Variants in SLC5A10 observed in about 807,000 individuals in gnomAD.
The protein encoded by SLC5A10 is sodium/mannose cotransporter SLC5A10.
Under a neutral mutation model 68.9 loss-of-function variants are expected in SLC5A10, and 55 were observed. That is an observed-to-expected ratio of 0.80 (90% confidence interval 0.64 to 1.00). SLC5A10 has a LOEUF of 1.00. SLC5A10 is among the 50% of genes least tolerant of loss of function. SLC5A10 has a pLI of 0.00. For synonymous variants in SLC5A10, 344 were observed against 344.8 expected (o/e 1.00, Z 0.02); for missense variants, 732 against 819.3 (o/e 0.89, Z 1.30).
At chr17:19,019,109 C>T (rs2044201182) in intron 11 of SLC5A10, 2 of 350,306 alleles carry the variant, frequency 5.7e-6, no homozygotes, top group South Asian at 6.1e-5. Flanking sequence ...GGGACAGGTG[C>T]TTTGAAGGAG....
chr17:18,950,855 A>C (rs2042358510), upstream of SLC5A10: 1 of 192,154 alleles, frequency 5.2e-6, no homozygotes, highest in Admixed American at 6.5e-5. Context: ...AGCTGGGATT[A>C]CAGGTGCGTA....
chr17:18,982,195 G>A (rs1368205036), intron 9 of SLC5A10, among the ~76,000 whole-genome samples: 1 of 152,244 alleles, frequency 6.6e-6, no homozygotes, highest in African/African-American at 2.4e-5. Flanking sequence ...CCCTTGCTGG[G>A]CCTTAGTCTC....
At chr17:18,999,078 G>A (rs1196318019) in intron 9 of SLC5A10, among the ~76,000 whole-genome samples, 2 of 152,152 alleles carry the variant, frequency 1.3e-5, no homozygotes, top group Non-Finnish European at 2.9e-5. Flanking sequence ...AGGAGTTCGA[G>A]ACCCACCTGA....
intron 1 of SLC5A10, among the ~76,000 whole-genome samples, chr17:18,954,302 C>T (rs1034388676): frequency 1.3e-5 from 2 of 152,200 alleles, no homozygotes; most frequent in South Asian, 2.1e-4. Context: ...CTGGCTAGCA[C>T]GTCTAAGAAA....
intron 11 of SLC5A10, 28 bp downstream of exon 11, chr17:19,015,227 T>C: frequency 8.3e-6 from 1 of 121,050 alleles, no homozygotes; most frequent in Admixed American, 9.2e-5. Flanking sequence ...AGTACGGGGG[T>C]GGGGGAACAC....
intron 1 of SLC5A10, among the ~76,000 whole-genome samples, chr17:18,952,681 C>A (rs560415144): frequency 6.6e-6 from 1 of 152,094 alleles, no homozygotes; most frequent in Non-Finnish European, 1.5e-5. Flanking sequence ...CCCCGGGATT[C>A]CCTGGCTGCA....
chr17:18,963,476 A>G (rs1009696659), intron 5 of SLC5A10, among the ~76,000 whole-genome samples: 6 of 152,244 alleles, frequency 3.9e-5, no homozygotes, highest in African/African-American at 1.4e-4. Context: ...TTCAGAACCA[A>G]CGCTGGGGCT....
chr17:18,958,549 C>A, intron 1 of SLC5A10, 133 bp from the exon 2 acceptor site: 1 of 664,406 alleles, frequency 1.5e-6, no homozygotes, highest in East Asian at 2.7e-5. Context: ...GGACATATAC[C>A]TAGGAGTGGA....
intron 9 of SLC5A10, among the ~76,000 whole-genome samples, chr17:18,993,834 G>C (rs2043494184): frequency 6.6e-6 from 1 of 152,216 alleles, no homozygotes; most frequent in African/African-American, 2.4e-5. Context: ...CCTTGGGCAA[G>C]TACCTTCATT....
chr17:18,967,917 T>TAC (rs556808721), intron 5 of SLC5A10, among the ~76,000 whole-genome samples: 1,714 of 140,302 alleles, frequency 0.012, 24 homozygotes, highest in African/African-American at 0.034. Context: ...GCCCTTCCTA[T>TAC]ACACACACAC....
chr17:18,995,484 T>C (rs1292274700), intron 9 of SLC5A10, among the ~76,000 whole-genome samples: 1 of 152,140 alleles, frequency 6.6e-6, no homozygotes, highest in Non-Finnish European at 1.5e-5. Context: ...AAACTGTGGG[T>C]CAACTTCAAG....
At chr17:18,997,777 A>C (rs1200794745) in intron 9 of SLC5A10, among the ~76,000 whole-genome samples, 2 of 152,212 alleles carry the variant, frequency 1.3e-5, no homozygotes, top group Non-Finnish European at 2.9e-5. Context: ...CACAGAGAGA[A>C]GCTCTCAGGA....
intron 9 of SLC5A10, among the ~76,000 whole-genome samples, chr17:18,989,625 C>T (rs1407801574): frequency 6.6e-6 from 1 of 152,236 alleles, no homozygotes; most frequent in East Asian, 1.9e-4. Context: ...ACCTGAATAC[C>T]GCAGCACCTG....
At position 18,976,888 on chromosome 17, in the gene SLC5A10, T is replaced by A. The variant is rs531697809; in HGVS notation, c.881T>A (p.Leu294Gln). The change falls in exon 9 of 15, where the codon CTG (leucine) becomes CAG (glutamine). Residue 294 changes from leucine (L) to glutamine (Q), a missense_variant. Transcript: ENST00000395645. ...CAGCGATCACTGTCAGCCCGGGACCTGAACCATGCCAAGGCGGGCTCCATC... is the reference window on the plus strand; with the variant it reads ...CAGCGATCACTGTCAGCCCGGGACCAGAACCATGCCAAGGCGGGCTCCATC... ...IVQRSLSARD[L>Q]NHAKAGSILA... 1 of 1,613,646 alleles carries A rather than the reference T, an allele frequency of 6.2e-7. No homozygotes were observed. Among genetic ancestry groups the A allele is most frequent in the Non-Finnish European group, 8.5e-7 (1 of 1,180,020 alleles).
intron 10 of SLC5A10, among the ~76,000 whole-genome samples, chr17:19,014,052 G>A (rs909428551): frequency 6.6e-6 from 1 of 152,174 alleles, no homozygotes; most frequent in South Asian, 2.1e-4. Context: ...GAGACACCTG[G>A]AAGTCACACA....
In SLC5A10 at chr17:19,020,752, C is replaced by G. The variant is rs898046890; in HGVS notation, c.*321C>G. On this transcript the variant is annotated 3_prime_UTR_variant, in exon 15 of 15. Coordinates refer to ENST00000395645, the MANE Select transcript of SLC5A10 (RefSeq NM_001042450.4). ...CTGGGTCAGGAGCAGTGAGATTTGC[C>G]AGCACTCAGGGTTCTAAGGGTCTTG... 1.9e-5 allele frequency: 7 copies of G among 359,832 alleles called. No homozygotes were observed. The highest frequency in any genetic ancestry group is 3.7e-5 in the Non-Finnish European group (7 of 189,408). The allele number at this position is 359,832 out of a possible 1,614,324, so 22.3% of individuals were successfully genotyped here.
chr17:19,006,016 T>G (rs1160601889), intron 9 of SLC5A10, among the ~76,000 whole-genome samples: 1 of 152,170 alleles, frequency 6.6e-6, no homozygotes, highest in African/African-American at 2.4e-5. Context: ...CTCCCTGTGT[T>G]CTTACCAATG....
At chr17:19,016,283 T>A (rs1183249855) in intron 11 of SLC5A10, among the ~76,000 whole-genome samples, 1 of 152,102 alleles carries the variant, frequency 6.6e-6, no homozygotes, top group Non-Finnish European at 1.5e-5. Context: ...TGACCTCAGG[T>A]TATTCATCCA....
chr17:18,994,206 A>T (rs2043504779), intron 9 of SLC5A10, among the ~76,000 whole-genome samples: 1 of 152,230 alleles, frequency 6.6e-6, no homozygotes, highest in Non-Finnish European at 1.5e-5. Flanking sequence ...CTTAGCAATA[A>T]AAAACCCGGA....
Sources: allele counts gnomAD v4.1 joint callset (sites outside exome capture counted in the v4.1 genomes callset), GRCh38; gene constraint gnomAD v4.1.1; transcripts MANE v1.5; gene names NCBI Gene and HGNC (gene_info 2026-07-23, HGNC 2026-07-21).